Variants in RPRD2 observed in about 807,000 individuals in gnomAD.
RPRD2 encodes regulation of nuclear pre-mRNA domain-containing protein 2.
Under a neutral mutation model 104.4 loss-of-function variants are expected in RPRD2, and 12 were observed. That is an observed-to-expected ratio of 0.11 (90% confidence interval 0.07 to 0.19). The LOEUF (loss-of-function observed/expected upper bound fraction) is 0.19. Among genes scored for constraint, RPRD2 ranks in the 10% least tolerant of loss-of-function variants. The pLI, the probability that RPRD2 is intolerant of heterozygous loss-of-function variation, is 1.00. For synonymous variants in RPRD2, 714 were observed against 684.9 expected, an observed-to-expected ratio of 1.04 and a Z score of -0.66; for missense variants, 1,543 against 1,790.1, an observed-to-expected ratio of 0.86 and a Z score of 2.49.
chr1:150,455,986 C>T (rs752876908), intron 7 of RPRD2, among the ~76,000 whole-genome samples: 1 of 151,882 alleles, frequency 6.6e-6, no homozygotes, highest in African/African-American at 2.4e-5. Context: ...GCTACTATGC[C>T]CAGCTAATTT....
At chr1:150,444,162 G>A in intron 5 of RPRD2, 89 bp from the exon 6 acceptor site, 1 of 1,344,266 alleles carries the variant, frequency 7.4e-7, no homozygotes, top group Admixed American at 2.4e-5. Context: ...GTTTTGTTTT[G>A]TTTTGTTTTG....
At chr1:150,457,256 T>C in intron 7 of RPRD2, 32 bp from the exon 8 acceptor site, 3 of 1,579,050 alleles carry the variant, frequency 1.9e-6, no homozygotes, top group Non-Finnish European at 8.6e-7. Context: ...CTGGTCTTTT[T>C]CCAAGGAGTA....
At chr1:150,467,938 C>T (rs893832090) in intron 10 of RPRD2, among the ~76,000 whole-genome samples, 6 of 151,766 alleles carry the variant, frequency 4.0e-5, no homozygotes, top group African/African-American at 1.2e-4. Flanking sequence ...ACGGGTGGAT[C>T]ACCTGAGGTC....
At chr1:150,398,841 C>T (rs1187100001) in intron 1 of RPRD2, among the ~76,000 whole-genome samples, 1 of 151,894 alleles carries the variant, frequency 6.6e-6, no homozygotes, top group Non-Finnish European at 1.5e-5. Flanking sequence ...CCACACCCGG[C>T]CTTAACAGCA....
chr1:150,448,065 C>G (rs6662108), intron 7 of RPRD2, among the ~76,000 whole-genome samples: 24 of 152,144 alleles, frequency 1.6e-4, no homozygotes, highest in Admixed American at 2.0e-4. Context: ...ACACTAGACT[C>G]CCTACTTCGT....
At chr1:150,385,914 A>G (rs1329447987) in intron 1 of RPRD2, among the ~76,000 whole-genome samples, 1 of 152,146 alleles carries the variant, frequency 6.6e-6, no homozygotes, top group Non-Finnish European at 1.5e-5. Context: ...CAATCTTTTA[A>G]GTAGGTGGTG....
At chr1:150,381,468 C>G (rs1271893711) in intron 1 of RPRD2, among the ~76,000 whole-genome samples, 2 of 151,768 alleles carry the variant, frequency 1.3e-5, no homozygotes, top group African/African-American at 2.4e-5. Flanking sequence ...AGTGTGACCC[C>G]AGACCACACG....
Position 150,448,583 on chromosome 1 carries a change from A to G in RPRD2, c.870+2182A>G, listed in dbSNP as rs587748405. Among the ~76,000 whole-genome samples the G allele has an allele frequency of 9.8e-5, 15 of 152,366 alleles. No homozygotes were observed. The South Asian group carries it at 3.1e-3, about 32-fold the overall frequency. The stretch of plus-strand genomic sequence containing the variant: ...TGAAAAACAATTTTTCAAAAAGCTT[A>G]CATTATAACTCTGTAAACATTGTTC... On this transcript the variant is annotated intron_variant, in intron 7 of 10. Coordinates refer to ENST00000369068, the MANE Select transcript of RPRD2 (RefSeq NM_015203.5).
At chr1:150,415,331 AAAT>A (rs143989499) in intron 1 of RPRD2, among the ~76,000 whole-genome samples, 4 of 150,124 alleles carry the variant, frequency 2.7e-5, no homozygotes, top group African/African-American at 7.3e-5. Context: ...ACTGTCTCAA[AAAT>A]AATAATAATA....
chr1:150,419,165 C>G (rs907367693), intron 2 of RPRD2, among the ~76,000 whole-genome samples: 7 of 152,150 alleles, frequency 4.6e-5, no homozygotes, highest in Non-Finnish European at 2.9e-5. Flanking sequence ...TGTATTAATA[C>G]TGTGTTCTTT....
chr1:150,395,731 G>A (rs1221246043), intron 1 of RPRD2, among the ~76,000 whole-genome samples: 11 of 151,946 alleles, frequency 7.2e-5, no homozygotes, highest in Non-Finnish European at 1.0e-4. Flanking sequence ...GGCTGGTCTC[G>A]AACTCCTGAC....
At chr1:150,395,365 T>TTTGTGTGTG (rs782263204) in intron 1 of RPRD2, among the ~76,000 whole-genome samples, 4 of 144,076 alleles carry the variant, frequency 2.8e-5, no homozygotes, top group Admixed American at 6.9e-5. Context: ...TAGTATTCCA[T>TTTGTGTGTG]TGTGTGTGTG....
rs1553895170 is a variant in RPRD2, at chr1:150,444,346, G to A, written c.663G>A (p.Val221=). 1.9e-6 allele frequency: 3 copies of A among 1,613,810 alleles called. No individual in the cohort carries two copies. Among genetic ancestry groups the A allele is most frequent in the South Asian group, 2.2e-5 (2 of 91,058 alleles). ...AGTTGTCAACTATGAGGGTGGATGT[G>A]TGCAGCACAGAAACTCTCAAATGCT... is the stretch of plus-strand genomic sequence containing the variant. ...EKQLSTMRVD[V]CSTETLKCLK... Residue 221 remains valine (V), a synonymous_variant, in exon 6 of 11, where the codon GTG becomes GTA. Coordinates refer to ENST00000369068, the MANE Select transcript of RPRD2 (RefSeq NM_015203.5).
chr1:150,425,273 A>C (rs1553890367), intron 2 of RPRD2, among the ~76,000 whole-genome samples: 1 of 152,190 alleles, frequency 6.6e-6, no homozygotes, highest in African/African-American at 2.4e-5. Context: ...TACTGCCATT[A>C]TTATTATTAA....
At chr1:150,454,119 T>C (rs587700125) in intron 7 of RPRD2, among the ~76,000 whole-genome samples, 7 of 152,296 alleles carry the variant, frequency 4.6e-5, no homozygotes, top group South Asian at 2.1e-4. Flanking sequence ...TCAAGCAGCT[T>C]CAGAATTCAG....
chr1:150,406,470 A>G (rs1248076824), intron 1 of RPRD2, among the ~76,000 whole-genome samples: 1 of 152,166 alleles, frequency 6.6e-6, no homozygotes, highest in Admixed American at 6.5e-5. Flanking sequence ...GCAGTGGCAC[A>G]ATCTCAGCTC....
chr1:150,395,399 G>GTGTGTGTGTGTGTGTA (rs1461510229), intron 1 of RPRD2, among the ~76,000 whole-genome samples: 2 of 151,576 alleles, frequency 1.3e-5, no homozygotes, highest in Non-Finnish European at 2.9e-5. Flanking sequence ...GTGTGTGTGT[G>GTGTGTGTGTGTGTGTA]TATACACATC....
At chr1:150,402,724 T>C (rs948488464) in intron 1 of RPRD2, among the ~76,000 whole-genome samples, 2 of 152,100 alleles carry the variant, frequency 1.3e-5, no homozygotes, top group Non-Finnish European at 2.9e-5. Flanking sequence ...CCCAGCACTT[T>C]GGGAGGCCGA....
chr1:150,428,072 AGTG>A (rs1418182997), intron 2 of RPRD2, among the ~76,000 whole-genome samples: 28 of 152,290 alleles, frequency 1.8e-4, no homozygotes, highest in African/African-American at 6.7e-4. Context: ...ATAAAACTAA[AGTG>A]GTACATTACG....
Sources: allele counts gnomAD v4.1 joint callset (sites outside exome capture counted in the v4.1 genomes callset), GRCh38; gene constraint gnomAD v4.1.1; transcripts MANE v1.5; gene names NCBI Gene and HGNC (gene_info 2026-07-23, HGNC 2026-07-21).